Variants in NOTCH4 observed in about 807,000 individuals in gnomAD.
The protein encoded by NOTCH4 is notch receptor 4, also known as neurogenic locus notch homolog protein 4.
Under a neutral mutation model 189.0 loss-of-function variants are expected in NOTCH4, and 138 were observed. That is an observed-to-expected ratio of 0.73 (90% CI 0.64 to 0.84). The LOEUF is 0.84. NOTCH4 is among the 40% of genes least tolerant of loss of function. The pLI is 0.00. For missense variants in NOTCH4, 2,286 were observed against 2,605.4 expected (o/e 0.88, Z 2.67); for synonymous variants, 942 against 1,032.8 (o/e 0.91, Z 1.69).
intron 5 of NOTCH4, 44 bp from the exon 6 acceptor site, chr6:32,220,685 C>A: frequency 6.2e-7 from 1 of 1,612,324 alleles, no homozygotes; most frequent in Non-Finnish European, 8.5e-7. Context: ...GCTGGGAGCC[C>A]TATGAGTAGG....
In NOTCH4 at chr6:32,198,776, C is replaced by A; in HGVS notation, c.4536-46G>T. ...AGAGGTTACACGGAATTATGACCAT[C>A]AGGGTCTCCAAAATTTCCAGCAGGC... On this transcript the variant is annotated intron_variant, in intron 24 of 29. Transcript: ENST00000375023. The surrounding 1 kb of genome is among the most constrained non-coding windows in gnomAD (Gnocchi z 5.5). The A allele has an allele frequency of 1.3e-6, 2 of 1,552,398 alleles. No individual in the cohort carries two copies.
intron 8 of NOTCH4, among the ~76,000 whole-genome samples, 168 bp from the exon 9 acceptor site, chr6:32,218,276 G>A (rs1173096159): frequency 6.6e-6 from 1 of 152,186 alleles, no homozygotes; most frequent in Non-Finnish European, 1.5e-5. Context: ...CTGCTTCGCA[G>A]TGTGTGGCCC....
Position 32,218,009 on chromosome 6 carries a change from C to A in NOTCH4, c.1610G>T (p.Cys537Phe). ...DCHDLLNGFQCICLPGFSGTR... is the reference protein window; with the variant it reads ...DCHDLLNGFQFICLPGFSGTR... The stretch of plus-strand genomic sequence containing the variant: ...TCTGTACTCACCAGGCAGGCAGATG[C>A]ACTGGAAGCCGTTGAGCAGGTCATG... The change falls in exon 9 of 30, where the codon TGC becomes TTC. Residue 537 changes from cysteine (C) to phenylalanine (F), a missense_variant. Coordinates refer to ENST00000375023, the MANE Select transcript of NOTCH4 (RefSeq NM_004557.4). 1 of 1,612,388 alleles carries A rather than the reference C, an allele frequency of 6.2e-7. No individual in the cohort carries two copies. The highest frequency in any genetic ancestry group is 2.2e-5 in the East Asian group (1 of 44,872).
chr6:32,223,610 C>T (rs928669027), intron 1 of NOTCH4, among the ~76,000 whole-genome samples: 2 of 152,042 alleles, frequency 1.3e-5, no homozygotes, highest in African/African-American at 4.8e-5. Flanking sequence ...CCAGTGCTGA[C>T]GAGGTTCTTC....
In NOTCH4 at chr6:32,220,809, G is replaced by C. The variant is rs746412907; in HGVS notation, c.869C>G (p.Thr290Ser). The change falls in exon 5 of 30, where the codon ACT becomes AGT. Residue 290 changes from threonine (T) to serine (S), a missense_variant. This residue lies in a region of NOTCH4 where 1,903 missense variants were observed against 2,261.9 expected (regional missense o/e 0.84). Transcript: ENST00000375023. ...CVSHQCQNGG[T>S]CQDGLDTYTC... ...GTAGGTGTCCAGCCCATCCTGGCAA[G>C]TGCCCCCATTCTGACACTGGTGGCT... 3.1e-6 allele frequency: 5 copies of C among 1,614,168 alleles called. No homozygotes were observed. Among genetic ancestry groups the C allele is most frequent in the African/African-American group, 1.3e-5 (1 of 75,038 alleles).
At chr6:32,213,333 T>C in intron 14 of NOTCH4, 81 bp from the exon 15 acceptor site, 2 of 853,000 alleles carry the variant, frequency 2.3e-6, no homozygotes, top group Non-Finnish European at 3.9e-6. Context: ...ACATAGGACA[T>C]ACACCCCCCA....
At chr6:32,213,873 G>A (rs1561937025) in intron 13 of NOTCH4, 33 bp from the exon 14 acceptor site, 5 of 1,608,044 alleles carry the variant, frequency 3.1e-6, no homozygotes, top group Non-Finnish European at 4.2e-6. Context: ...GAGAAAGGGT[G>A]TCCTCCTTCC....
rs1789139035 is a variant in NOTCH4, at chr6:32,213,135, C to T, written c.2438G>A (p.Ser813Asn). The T allele has an allele frequency of 6.2e-7, 1 of 1,611,148 alleles. No homozygotes were observed. Among genetic ancestry groups the T allele is most frequent in the African/African-American group, 1.3e-5 (1 of 74,848 alleles). Reference sequence around the variant, plus strand: ...CTAGGGGTCTTTGGGCCCTGCTCACCTGTCTGCACAGCTGGGGCGGAGCTT... The same window carrying T: ...CTAGGGGTCTTTGGGCCCTGCTCACTTGTCTGCACAGCTGGGGCGGAGCTT... Reference protein sequence around the residue: ...EGKLRPSCADSPCRNRATCQD... With the variant: ...EGKLRPSCADNPCRNRATCQD... Residue 813 changes from serine to asparagine, a missense_variant and splice_region_variant, in exon 15 of 30, where the codon AGC (serine) becomes AAC (asparagine). Around this residue, in one of 2 missense-constraint regions of NOTCH4, gnomAD observed 1,903 missense variants for 2,261.9 expected, o/e 0.84. Transcript: ENST00000375023.
rs1324675577 is a variant in NOTCH4 at position 32,195,725 on chromosome 6, G to A, written c.5724C>T (p.Gly1908=). The change falls in exon 30 of 30, where the codon GGC becomes GGT. Residue 1908 remains glycine (G), a synonymous_variant. Coordinates refer to ENST00000375023, the MANE Select transcript of NOTCH4 (RefSeq NM_004557.4). This position sits in a 1 kb window ranked among gnomAD's most constrained non-coding sequence, Gnocchi z 5.4. The part of the protein sequence containing the change: ...RSLSGVGAGG[G]PTPRGRRFSA... ...AAAACCTACGGCCGCGAGGGGTCGG[G>A]CCTCCTCCTGCTCCTACTCCCGAGA... 10 of 1,612,556 alleles carry A rather than the reference G, an allele frequency of 6.2e-6. No individual in the cohort carries two copies. Among genetic ancestry groups the A allele is most frequent in the African/African-American group, 2.7e-5 (2 of 74,942 alleles).
chr6:32,202,176 G>A lies in NOTCH4; in HGVS notation c.3655C>T (p.Arg1219Trp), dbSNP rs202197092. 3.2e-5 allele frequency: 49 copies of A among 1,524,848 alleles called. No individual in the cohort carries two copies. Among genetic ancestry groups the A allele is most frequent in the Middle Eastern group, 1.8e-4 (1 of 5,628 alleles). The allele number at this position is 1,524,848 out of a possible 1,614,324, so 94.5% of individuals were successfully genotyped here. A position where few individuals can be genotyped will look rare whatever the true frequency, so the allele number is the denominator to read the frequency against. ...DPWKGCPSHS[R>W]CWLLFRDGQC... ...CCGTCCCGGAAGAGAAGCCAGCACC[G>A]AGAGTGGGAGGGGCAGCCCTTCCAG... is the stretch of plus-strand genomic sequence containing the variant. Residue 1219 changes from arginine (R) to tryptophan (W), a missense_variant, in exon 21 of 30, where the codon CGG becomes TGG. Transcript: ENST00000375023. This position sits in a 1 kb window ranked among gnomAD's most constrained non-coding sequence, Gnocchi z 5.7.
rs1266370882 is a variant in NOTCH4, at chr6:32,214,203, G to A, written c.2074C>T (p.Leu692=). Residue 692 remains leucine, a synonymous_variant, in exon 13 of 30, where the codon CTA becomes TTA. Coordinates refer to ENST00000375023, the MANE Select transcript of NOTCH4 (RefSeq NM_004557.4). The stretch of plus-strand genomic sequence containing the variant: ...CAGGGTGCAGAGATGCAGCCCCCTA[G>A]CTCTGCCTCACACTCTGGCCCCGTC... ...GWTGPECEAE[L]GGCISAPCAH... The A allele has an allele frequency of 6.2e-7, 1 of 1,613,494 alleles. No homozygotes were observed. Among genetic ancestry groups the A allele is most frequent in the Non-Finnish European group, 8.5e-7 (1 of 1,179,814 alleles).
Position 32,221,167 on chromosome 6 carries a change from G to A in NOTCH4, c.610C>T (p.Pro204Ser), listed in dbSNP as rs1789752504. 6.2e-7 allele frequency: 1 copy of A among 1,612,984 alleles called. No individual in the cohort carries two copies. ...DVNECFQDPG[P>S]CPKGTSCHNT... is the part of the protein sequence containing the mutation. The stretch of plus-strand genomic sequence containing the variant: ...TGGCAGGAGGTGCCTTTGGGGCAGG[G>A]TCCTGGGTCCTGGAAGCACTCGTTG... The change falls in exon 4 of 30, where the codon CCC (proline) becomes TCC (serine). Residue 204 changes from proline (P) to serine (S), a missense_variant. Pro to Ser is a moderately conservative substitution (Grantham distance 74). This residue lies in a region of NOTCH4 where 1,903 missense variants were observed against 2,261.9 expected (regional missense o/e 0.84). Transcript: ENST00000375023. The surrounding 1 kb of genome is among the most constrained non-coding windows in gnomAD (Gnocchi z 4.3).
Position 32,196,349 on chromosome 6 carries a change from G to T in NOTCH4, c.5273C>A (p.Ala1758Asp). 6.2e-7 allele frequency: 1 copy of T among 1,613,124 alleles called. No homozygotes were observed. Among genetic ancestry groups the T allele is most frequent in the African/African-American group, 1.3e-5 (1 of 75,068 alleles). Reference sequence around the variant, plus strand: ...CCTGTTGTCCTGGGCATCTTTATCGGCTCCGGCCTGGAGAAGCGAGCGGGC... The same window carrying T: ...CCTGTTGTCCTGGGCATCTTTATCGTCTCCGGCCTGGAGAAGCGAGCGGGC... ...RAARSLLQAG[A>D]DKDAQDNREQ... Residue 1758 changes from alanine (A) to aspartate (D), a missense_variant, in exon 29 of 30, where the codon GCC becomes GAC. This residue lies in a region of NOTCH4 where 383 missense variants were observed against 343.5 expected (regional missense o/e 1.11). Coordinates refer to ENST00000375023, the MANE Select transcript of NOTCH4 (RefSeq NM_004557.4).
rs565092259 is a variant in NOTCH4, at chr6:32,217,259, G to A, written c.1632C>T (p.Ser544=). The A allele has an allele frequency of 2.9e-5, 46 of 1,611,294 alleles. No homozygotes were observed. The highest frequency in any genetic ancestry group is 2.8e-4 in the Admixed American group (17 of 59,942). Residue 544 remains serine (S), a synonymous_variant, in exon 10 of 30, where the codon TCC becomes TCT. Transcript: ENST00000375023. The surrounding 1 kb of genome is among the most constrained non-coding windows in gnomAD (Gnocchi z 4.2). ...CGATATCCTCCTCACATCGGGTGCC[G>A]GAGAATCCTGGTGGGGCGGAAGTGG... ...GFQCICLPGF[S]GTRCEEDIDE...
Position 32,212,974 on chromosome 6 carries a change from G to T in NOTCH4, c.2439-63C>A. On this transcript the variant is annotated intron_variant, in intron 15 of 29. Coordinates refer to ENST00000375023, the MANE Select transcript of NOTCH4 (RefSeq NM_004557.4). This position sits in a 1 kb window ranked among gnomAD's most constrained non-coding sequence, Gnocchi z 4.4. ...TCGGGCAACAAGGGGAAGGTAGTGT[G>T]TGATATTGTCGGGAGGCAACCACAG... 2 of 1,467,444 alleles carry T rather than the reference G, an allele frequency of 1.4e-6. No homozygotes were observed. Among genetic ancestry groups the T allele is most frequent in the Non-Finnish European group, 1.9e-6 (2 of 1,062,392 alleles). The allele number at this position is 1,467,444 out of a possible 1,614,324, so 90.9% of individuals were successfully genotyped here. A position where few individuals can be genotyped will look rare whatever the true frequency, so the allele number is the denominator to read the frequency against.
At chr6:32,215,042 C>T (rs1789311867) in intron 12 of NOTCH4, among the ~76,000 whole-genome samples, 184 bp downstream of exon 12, 2 of 152,178 alleles carry the variant, frequency 1.3e-5, no homozygotes, top group Admixed American at 1.3e-4. Context: ...TGTGGACTCT[C>T]TTCTCCTTGG....
rs1416850963 is a variant in NOTCH4, at chr6:32,198,960, G to A, written c.4501C>T (p.Arg1501Trp). Residue 1501 changes from arginine to tryptophan, a missense_variant, in exon 24 of 30, where the codon CGG (arginine) becomes TGG (tryptophan). Physicochemically the swap from Arg to Trp is moderately radical, Grantham distance 101. This residue lies in a region of NOTCH4 where 1,903 missense variants were observed against 2,261.9 expected (regional missense o/e 0.84). Coordinates refer to ENST00000375023, the MANE Select transcript of NOTCH4 (RefSeq NM_004557.4). The surrounding 1 kb of genome is among the most constrained non-coding windows in gnomAD (Gnocchi z 5.5). ...ATGCTGTCCTCGCCTAGTGGGGGCC[G>A]GCGTCGGTGGGGAGCTGACTGAGTC... The part of the protein sequence containing the change: ...PRTQSAPHRR[R>W]PPLGEDSIGL... 15 of 1,598,886 alleles carry A rather than the reference G, an allele frequency of 9.4e-6. No individual in the cohort carries two copies. Among genetic ancestry groups the A allele is most frequent in the Non-Finnish European group, 9.4e-6 (11 of 1,171,878 alleles).
chr6:32,196,200 C>T (rs758541612), intron 29 of NOTCH4, 50 bp from the exon 30 acceptor site: 6 of 1,600,790 alleles, frequency 3.7e-6, no homozygotes, highest in Non-Finnish European at 4.3e-6. Context: ...GCCCACAGGA[C>T]TGGGCCTTTC....
At position 32,210,686 on chromosome 6, in the gene NOTCH4, C is replaced by T; in HGVS notation, c.2865+66G>A. 1 of 1,496,246 alleles carries T rather than the reference C, an allele frequency of 6.7e-7. No homozygotes were observed. The highest frequency in any genetic ancestry group is 9.3e-7 in the Non-Finnish European group (1 of 1,079,268). The allele number at this position is 1,496,246 out of a possible 1,614,324, so 92.7% of individuals were successfully genotyped here. A position where few individuals can be genotyped will look rare whatever the true frequency, so the allele number is the denominator to read the frequency against. On this transcript the variant is annotated intron_variant, in intron 18 of 29. Coordinates refer to ENST00000375023, the MANE Select transcript of NOTCH4 (RefSeq NM_004557.4). This position sits in a 1 kb window ranked among gnomAD's most constrained non-coding sequence, Gnocchi z 4.8. ...TGGATACATTGGGTCTTCCCTCAGTCACTACTGTCTCTCCCATCCAGCCCA... is the reference window on the plus strand; with the variant it reads ...TGGATACATTGGGTCTTCCCTCAGTTACTACTGTCTCTCCCATCCAGCCCA...
Sources: gnomAD v4.1 joint callset for allele counts (sites outside exome capture counted in the v4.1 genomes callset) on GRCh38, gnomAD v4.1.1 for gene constraint, gnomAD v4.1.1 regional missense constraint, Gnocchi (gnomAD v3.1) non-coding constraint, MANE v1.5 for transcripts, NCBI Gene and HGNC (gene_info 2026-07-23, HGNC 2026-07-21) for gene names.